ADGRG4: variants seen among roughly 807,000 people sequenced by gnomAD.
ADGRG4 encodes the protein adhesion G protein-coupled receptor G4.
ADGRG4 carries 122 observed loss-of-function variants against 126.2 expected under a neutral mutation model. That is an observed-to-expected ratio of 0.97 (90% confidence interval 0.83 to 1.12). The LOEUF (loss-of-function observed/expected upper bound fraction) is 1.12. ADGRG4 is among the 50% of genes most tolerant of loss of function. The pLI is 0.00. For synonymous variants in ADGRG4, 943 were observed against 838.7 expected (o/e 1.12, Z -2.15); for missense variants, 2,481 against 2,251.8 (o/e 1.10, Z -2.06).
chrX:136,323,085 G>A lies in ADGRG4; in HGVS notation c.378G>A (p.Trp126Ter). The stretch of plus-strand genomic sequence containing the variant: ...AATGGCATACAATATGCTTGATATG[G>A]GATGGTGTGAAGGGCAAATTAGAAC... ...SFQWHTICLI[W>*]DGVKGKLELF... The change falls in exon 5 of 26, where the codon TGG becomes TGA. Residue 126 changes from tryptophan to a stop codon, truncating the protein, a stop_gained. Coordinates refer to ENST00000394143, the MANE Select transcript of ADGRG4 (RefSeq NM_153834.4). LOFTEE classifies it high-confidence loss of function. 1 of 1,209,193 alleles carries A rather than the reference G, an allele frequency of 8.3e-7. No individual in the cohort carries two copies. The highest frequency in any genetic ancestry group is 1.1e-6 in the Non-Finnish European group (1 of 894,544).
chrX:136,363,293 A>C (rs1455467106), intron 12 of ADGRG4, among the ~76,000 whole-genome samples, 184 bp from the exon 13 acceptor site: 1 of 111,240 alleles, frequency 9.0e-6, no homozygotes, highest in Non-Finnish European at 1.9e-5. Context: ...CCCTAGATTC[A>C]CTTGCTCCCT....
At position 136,344,747 on chromosome X, in the gene ADGRG4, T is replaced by C. The variant is rs1477306719; in HGVS notation, c.1041T>C (p.Ser347=). The change falls in exon 6 of 26, where the codon TCT becomes TCC. Residue 347 remains serine, a synonymous_variant. Transcript: ENST00000394143. ...CCATGAAAAAAACGAAATCTCCATC[T>C]TCAGAAAGCACAAAGACAACAAAAA... ...TNSMKKTKSP[S]SESTKTTKMV... is the part of the protein sequence containing the mutation. 8.3e-7 allele frequency: 1 copy of C among 1,210,419 alleles called. No homozygotes were observed. The highest frequency in any genetic ancestry group is 1.1e-6 in the Non-Finnish European group (1 of 894,739).
At chrX:136,390,267 G>A (rs891401573) in intron 16 of ADGRG4, among the ~76,000 whole-genome samples, 1 of 111,082 alleles carries the variant, frequency 9.0e-6, no homozygotes, top group Non-Finnish European at 1.9e-5. Flanking sequence ...GCCCAAGCTG[G>A]TCTCAAACTC....
At chrX:136,340,156 G>A (rs960459766) in intron 5 of ADGRG4, among the ~76,000 whole-genome samples, 7 of 111,733 alleles carry the variant, frequency 6.3e-5, no homozygotes, top group Middle Eastern at 4.6e-3. Flanking sequence ...TACAGATTAA[G>A]ACAATAAGGT....
chrX:136,406,526 C>A (rs1374622154), intron 23 of ADGRG4, among the ~76,000 whole-genome samples: 1 of 112,009 alleles, frequency 8.9e-6, no homozygotes, highest in Admixed American at 9.5e-5. Flanking sequence ...AAGCTAAAGG[C>A]CCTAGAGCTC....
chrX:136,323,128 A>C lies in ADGRG4; in HGVS notation c.421A>C (p.Arg141=). The C allele has an allele frequency of 3.3e-6, 4 of 1,211,715 alleles. No individual in the cohort carries two copies. The South Asian group carries it at 7.0e-5, about 21-fold the overall frequency. Residue 141 remains arginine, a synonymous_variant, in exon 5 of 26, where the codon AGG becomes CGG. Coordinates refer to ENST00000394143, the MANE Select transcript of ADGRG4 (RefSeq NM_153834.4). The part of the protein sequence containing the change: ...GKLELFLNKE[R]ILEVTDQPHN... The stretch of plus-strand genomic sequence containing the variant: ...ATTAGAACTCTTCCTGAATAAAGAA[A>C]GGATACTGGAAGTAACGGATCAACC...
chrX:136,309,388 A>G (rs768733391), intron 4 of ADGRG4, among the ~76,000 whole-genome samples: 1 of 112,257 alleles, frequency 8.9e-6, no homozygotes, highest in South Asian at 3.7e-4. Context: ...ATTTGTCTCT[A>G]TTTTACAGTA....
In ADGRG4 at chrX:136,349,964, T is replaced by A; in HGVS notation, c.6258T>A (p.Thr2086=). The A allele has an allele frequency of 8.3e-7, 1 of 1,210,109 alleles. No individual in the cohort carries two copies. ...GTGGTATCACTACTGGCTTCCCAAC[T>A]TCTCTCCCTATGTCTATAAATGTCA... ...TLGGITTGFP[T]SLPMSINVTD... is the part of the protein sequence containing the mutation. The change falls in exon 6 of 26, where the codon ACT becomes ACA. Residue 2086 remains threonine, a synonymous_variant. Transcript: ENST00000394143.
intron 5 of ADGRG4, among the ~76,000 whole-genome samples, chrX:136,336,007 C>A (rs1388313058): frequency 9.0e-6 from 1 of 110,741 alleles, no homozygotes; most frequent in Non-Finnish European, 1.9e-5. Flanking sequence ...GTGCTATAAT[C>A]TTTCTTCTCA....
intron 24 of ADGRG4, among the ~76,000 whole-genome samples, chrX:136,413,494 T>C (rs1359742544): frequency 1.8e-5 from 2 of 111,155 alleles, no homozygotes; most frequent in Admixed American, 9.6e-5. Flanking sequence ...GAATCTACAA[T>C]GAACTCAAAC....
At chrX:136,387,610 C>T (rs1280131810) in intron 15 of ADGRG4, 130 bp from the exon 16 acceptor site, 3 of 542,702 alleles carry the variant, frequency 5.5e-6, no homozygotes, top group Non-Finnish European at 9.1e-6. Flanking sequence ...TGTATCATCG[C>T]TTATGGAGCT....
chrX:136,391,137 A>G (rs939321167), intron 16 of ADGRG4, among the ~76,000 whole-genome samples: 1 of 111,622 alleles, frequency 9.0e-6, no homozygotes, highest in African/African-American at 3.3e-5. Context: ...TGTGTAGGGT[A>G]GGTAGTAGGG....
At chrX:136,320,276 G>C in intron 4 of ADGRG4, among the ~76,000 whole-genome samples, 1 of 112,163 alleles carries the variant, frequency 8.9e-6, no homozygotes, top group Non-Finnish European at 1.9e-5. Flanking sequence ...CTGTATATTT[G>C]TCTAAAATGA....
At position 136,344,903 on chromosome X, in the gene ADGRG4, G is replaced by A. The variant is rs1224860973; in HGVS notation, c.1197G>A (p.Lys399=). 1 of 1,209,357 alleles carries A rather than the reference G, an allele frequency of 8.3e-7. No individual in the cohort carries two copies. Among genetic ancestry groups the A allele is most frequent in the African/African-American group, 1.7e-5 (1 of 57,318 alleles). Residue 399 remains lysine (K), a synonymous_variant, in exon 6 of 26, where the codon AAG becomes AAA. Coordinates refer to ENST00000394143, the MANE Select transcript of ADGRG4 (RefSeq NM_153834.4). ...TTAAATCTCAGTCGGCTGTTACGAA[G>A]ACAACATCTTTATTTTCAACTATTG... The part of the protein sequence containing the change: ...SAIKSQSAVT[K]TTSLFSTIES...
rs754102910 is a variant in ADGRG4, at chrX:136,344,862, T to C, written c.1156T>C (p.Ser386Pro). ...CAGATTTACCAAGAATTCAGTTGTA[T>C]CTACAACTTCAGCAATTAAATCTCA... is the stretch of plus-strand genomic sequence containing the variant. ...TSRFTKNSVV[S>P]TTSAIKSQSA... The change falls in exon 6 of 26, where the codon TCT becomes CCT. Residue 386 changes from serine to proline, a missense_variant. Physicochemically the swap from Ser to Pro is moderately conservative, Grantham distance 74. Coordinates refer to ENST00000394143, the MANE Select transcript of ADGRG4 (RefSeq NM_153834.4). The C allele has an allele frequency of 3.1e-5, 37 of 1,206,854 alleles. No individual in the cohort carries two copies. In the African/African-American group the frequency reaches 6.3e-4, roughly 20 times the overall value.
intron 3 of ADGRG4, among the ~76,000 whole-genome samples, chrX:136,307,452 C>T (rs1196206813): frequency 2.7e-5 from 3 of 112,332 alleles, no homozygotes; most frequent in African/African-American, 9.7e-5. Context: ...GATTTAGACA[C>T]CCCCTTACTT....
chrX:136,302,477 CAG>C (rs1300979278), intron 1 of ADGRG4, among the ~76,000 whole-genome samples: 1 of 112,077 alleles, frequency 8.9e-6, no homozygotes, highest in Non-Finnish European at 1.9e-5. Flanking sequence ...AACAGACAAA[CAG>C]AGAGCCAAAT....
intron 6 of ADGRG4, among the ~76,000 whole-genome samples, chrX:136,350,809 C>G (rs1222932876): frequency 1.8e-5 from 2 of 110,932 alleles, no homozygotes; most frequent in African/African-American, 6.6e-5. Context: ...GCATGCTGAC[C>G]ACACACCAGA....
At position 136,345,694 on chromosome X, in the gene ADGRG4, C is replaced by G. The variant is rs745941988; in HGVS notation, c.1988C>G (p.Ala663Gly). The stretch of plus-strand genomic sequence containing the variant: ...ATTTGGACTTCTAGGCCAGACCAGG[C>G]CCTGCTGGCATCTATGAACACAACC... ...ETIWTSRPDQALLASMNTTTI... is the reference protein window; with the variant it reads ...ETIWTSRPDQGLLASMNTTTI... Residue 663 changes from alanine (A) to glycine (G), a missense_variant, in exon 6 of 26, where the codon GCC (alanine) becomes GGC (glycine). By Grantham distance (60) the Ala-to-Gly change is moderately conservative. Transcript: ENST00000394143. The G allele has an allele frequency of 5.0e-6, 6 of 1,211,237 alleles. No individual in the cohort carries two copies. Among genetic ancestry groups the G allele is most frequent in the Non-Finnish European group, 5.6e-6 (5 of 895,047 alleles).
Sources: gnomAD v4.1 joint callset for allele counts (sites outside exome capture counted in the v4.1 genomes callset) on GRCh38, gnomAD v4.1.1 for gene constraint, MANE v1.5 for transcripts, NCBI Gene and HGNC (gene_info 2026-07-23, HGNC 2026-07-21) for gene names.